The following KLRG1 variants were observed in gnomAD, a reference collection of about 807,000 sequenced individuals.
KLRG1 encodes the protein killer cell lectin like receptor G1, also known as killer cell lectin-like receptor subfamily G member 1.
Under a neutral mutation model 21.8 loss-of-function variants are expected in KLRG1, and 16 were observed. That is an observed-to-expected ratio of 0.73 (90% CI 0.50 to 1.11). The LOEUF is 1.11. Ranked by LOEUF, KLRG1 falls within the 50% of genes most tolerant of loss-of-function variation. The pLI is 0.00. For missense variants in KLRG1, 173 were observed against 218.3 expected (o/e 0.79, Z 1.31); for synonymous variants, 69 against 75.9 (o/e 0.91, Z 0.47).
the KLRG1 span, among the ~76,000 whole-genome samples, chr12:9,020,752 A>G: frequency 2.6e-5 from 4 of 152,198 alleles, no homozygotes; most frequent in Admixed American, 6.5e-5. Context: ...GAATGGACAT[A>G]GTCTTTCTTT....
the KLRG1 span, among the ~76,000 whole-genome samples, chr12:9,049,529 AG>A: frequency 6.6e-6 from 1 of 152,198 alleles, no homozygotes; most frequent in Non-Finnish European, 1.5e-5. Context: ...AGCTATTTCC[AG>A]GGTTGTGAAT....
the KLRG1 span, chr12:9,076,709 T>G: frequency 1.2e-6 from 2 of 1,607,072 alleles, no homozygotes. Context: ...CATGCAGTTC[T>G]TGATACAGAG....
chr12:9,098,045 C>T, the KLRG1 span, among the ~76,000 whole-genome samples: 1 of 152,176 alleles, frequency 6.6e-6, no homozygotes, highest in Non-Finnish European at 1.5e-5. Flanking sequence ...TTTGACAACT[C>T]CTATTACTGG....
chr12:8,955,061 C>T (rs757160955), intron 1 of KLRG1, among the ~76,000 whole-genome samples: 57 of 152,040 alleles, frequency 3.7e-4, no homozygotes, highest in African/African-American at 1.3e-3. Flanking sequence ...GAACTACAGG[C>T]GCCTGCCATC....
chr12:8,995,968 C>T (rs1206717613), intron 3 of KLRG1, among the ~76,000 whole-genome samples: 2 of 152,270 alleles, frequency 1.3e-5, no homozygotes, highest in Admixed American at 6.5e-5. Context: ...AGGCATGAGC[C>T]ACCGTGCCAG....
chr12:9,064,816 C>T, the KLRG1 span: 1 of 153,294 alleles, frequency 6.5e-6, no homozygotes, highest in Non-Finnish European at 1.5e-5. The surrounding 1 kb of genome is among the most constrained non-coding windows in gnomAD (Gnocchi z 4.0). Flanking sequence ...GCGGGGCCCG[C>T]TTTGGGGACC....
the KLRG1 span, among the ~76,000 whole-genome samples, chr12:9,118,238 G>A: frequency 6.6e-6 from 1 of 152,180 alleles, no homozygotes; most frequent in Non-Finnish European, 1.5e-5. Context: ...CCGATCCTTT[G>A]CTGGGTGCAG....
chr12:9,168,672 G>A, the KLRG1 span: 8 of 496,690 alleles, frequency 1.6e-5, no homozygotes, highest in Non-Finnish European at 2.5e-5. Context: ...CTGAAGTATC[G>A]GATGTATCTA....
the KLRG1 span, chr12:9,072,262 A>C: frequency 1.4e-6 from 2 of 1,413,844 alleles, no homozygotes; most frequent in Non-Finnish European, 1.9e-6. Context: ...TGAATAGTGC[A>C]AATATCTACT....
chr12:9,124,608 C>T, the KLRG1 span, among the ~76,000 whole-genome samples: 5 of 152,218 alleles, frequency 3.3e-5, no homozygotes, highest in Non-Finnish European at 7.4e-5. Context: ...GCAGCTGCGG[C>T]ACCCTCACAG....
chr12:9,050,462 G>A, the KLRG1 span, among the ~76,000 whole-genome samples: 9 of 152,152 alleles, frequency 5.9e-5, no homozygotes, highest in African/African-American at 2.2e-4. Context: ...TTGGGGTGGG[G>A]GCTCCCCAAG....
the KLRG1 span, among the ~76,000 whole-genome samples, chr12:9,103,533 A>G: frequency 1.3e-5 from 2 of 152,176 alleles, no homozygotes; most frequent in African/African-American, 4.8e-5. Flanking sequence ...ATCTTGTAAA[A>G]CTAAACCTGA....
chr12:9,110,845 G>A, the KLRG1 span, among the ~76,000 whole-genome samples: 3 of 152,060 alleles, frequency 2.0e-5, no homozygotes, highest in South Asian at 6.2e-4. Context: ...AATAAATAAT[G>A]TTAAGAACTT....
chr12:9,182,621 A>G, the KLRG1 span, among the ~76,000 whole-genome samples: 1 of 152,158 alleles, frequency 6.6e-6, no homozygotes, highest in South Asian at 2.1e-4. Flanking sequence ...GCAGTGTTAA[A>G]CTCTTATAAG....
At chr12:9,209,520 CA>C in the KLRG1 span, among the ~76,000 whole-genome samples, 2 of 151,868 alleles carry the variant, frequency 1.3e-5, no homozygotes, top group Non-Finnish European at 2.9e-5. Context: ...AAACACTTGC[CA>C]AGTTTGTTTA....
the KLRG1 span, chr12:9,091,187 A>T: frequency 7.5e-6 from 12 of 1,609,206 alleles, 1 homozygote; most frequent in Middle Eastern, 4.9e-4. Context: ...TTAATTTAGG[A>T]AAGAGATCCT....
chr12:9,114,285 C>T, the KLRG1 span, among the ~76,000 whole-genome samples: 1 of 152,130 alleles, frequency 6.6e-6, no homozygotes, highest in Non-Finnish European at 1.5e-5. Context: ...TAAGATCAAC[C>T]CTGTAGTTTT....
chr12:9,123,433 T>C, the KLRG1 span, among the ~76,000 whole-genome samples: 111 of 152,048 alleles, frequency 7.3e-4, no homozygotes, highest in African/African-American at 2.7e-3. Flanking sequence ...CCCTGCAGTA[T>C]TGAGATAGCT....
intron 3 of KLRG1, among the ~76,000 whole-genome samples, chr12:8,997,589 A>T (rs950169910): frequency 1.3e-5 from 2 of 152,116 alleles, no homozygotes; most frequent in Non-Finnish European, 2.9e-5. Flanking sequence ...GCTGCTAGAG[A>T]ATTTTGTTGC....
Sources: gnomAD v4.1 joint callset for allele counts (sites outside exome capture counted in the v4.1 genomes callset) on GRCh38, gnomAD v4.1.1 for gene constraint, Gnocchi (gnomAD v3.1) non-coding constraint, MANE v1.5 for transcripts, NCBI Gene and HGNC (gene_info 2026-07-23, HGNC 2026-07-21) for gene names.